CUBN: variants seen among roughly 807,000 people sequenced by gnomAD.
CUBN encodes the protein 460 kDa receptor.
A neutral mutation model predicts 405.3 loss-of-function variants in CUBN; 282 were observed. That is an observed-to-expected ratio of 0.70 (90% CI 0.63 to 0.77). The LOEUF is 0.77. CUBN is among the 30% of genes least tolerant of loss of function. The pLI is 0.00. For missense variants in CUBN, 4,514 were observed against 4,475.2 expected (o/e 1.01, Z -0.25); for synonymous variants, 1,684 against 1,617.0 (o/e 1.04, Z -0.99).
At position 17,078,286 on chromosome 10, in the gene CUBN, C is replaced by G. The variant is rs550752754; in HGVS notation, c.2301+5985G>C. ...TCCATCCCTGTGTGATTCCAGCCAC[C>G]CTGGTCTATTTCCAATTATTTTAGT... On this transcript the variant is annotated intron_variant, in intron 17 of 66. Transcript: ENST00000377833. 1.4e-4 allele frequency among the ~76,000 whole-genome samples: 22 copies of G among 152,246 alleles called. No individual in the cohort carries two copies. The East Asian group carries it at 3.7e-3, about 25-fold the overall frequency.
intron 59 of CUBN, among the ~76,000 whole-genome samples, chr10:16,867,289 G>C (rs961465600): frequency 6.6e-6 from 1 of 152,104 alleles, no homozygotes; most frequent in African/African-American, 2.4e-5. Context: ...AGGCAAAAGG[G>C]GCATCCTATT....
intron 15 of CUBN, among the ~76,000 whole-genome samples, chr10:17,087,780 G>A (rs535738131): frequency 6.6e-6 from 1 of 152,166 alleles, no homozygotes; most frequent in East Asian, 1.9e-4. Flanking sequence ...CGGCCTCTTC[G>A]TGGAATGCTA....
chr10:16,890,032 C>T (rs1352051610), intron 55 of CUBN, among the ~76,000 whole-genome samples: 1 of 151,686 alleles, frequency 6.6e-6, no homozygotes, highest in Non-Finnish European at 1.5e-5. Context: ...TGTTTCAAGC[C>T]CCCCACGGGA....
chr10:16,978,638 G>T (rs1833169664), intron 31 of CUBN, among the ~76,000 whole-genome samples: 2 of 152,220 alleles, frequency 1.3e-5, no homozygotes, highest in Admixed American at 6.5e-5. Context: ...AAGCTAGCCA[G>T]TTGGATCTTG....
chr10:16,860,258 C>T (rs1588595242), intron 59 of CUBN, among the ~76,000 whole-genome samples: 1 of 151,888 alleles, frequency 6.6e-6, no homozygotes, highest in African/African-American at 2.4e-5. Flanking sequence ...AAACAAAAGC[C>T]AAATATATTC....
Position 16,918,749 on chromosome 10 carries a change from T to A in CUBN, c.6873A>T (p.Pro2291=). ...ELRDGVDSDA[P]ILSKFCGTSL... is the part of the protein sequence containing the mutation. ...ATGTCCCACAAAATTTGGAAAGTAT[T>A]GGTGCATCCGAATCCACTCCATCCC... is the stretch of plus-strand genomic sequence containing the variant. The change falls in exon 45 of 67, where the codon CCA becomes CCT. Residue 2291 remains proline (P), a synonymous_variant. Transcript: ENST00000377833. 1.2e-6 allele frequency: 2 copies of A among 1,613,938 alleles called. No individual in the cohort carries two copies. The highest frequency in any genetic ancestry group is 1.7e-6 in the Non-Finnish European group (2 of 1,179,922).
Position 16,990,420 on chromosome 10 carries a change from T to C in CUBN, c.4264A>G (p.Arg1422Gly). 6.2e-7 allele frequency: 1 copy of C among 1,614,182 alleles called. No homozygotes were observed. Among genetic ancestry groups the C allele is most frequent in the Non-Finnish European group, 8.5e-7 (1 of 1,180,020 alleles). The change falls in exon 29 of 67, where the codon AGG becomes GGG. Residue 1422 changes from arginine to glycine, a missense_variant. By Grantham distance (125) the Arg-to-Gly change is moderately radical. This residue lies in a region of CUBN where 1,613 missense variants were observed against 1,542.8 expected (regional missense o/e 1.05). Transcript: ENST00000377833. ...PPNKECIWYI[R>G]TDPGSSIQLT... Reference sequence around the variant, plus strand: ...TGAATGCTACTCCCGGGGTCCGTCCTAATGTACCAGATACACTCCTTGTTT... The same window carrying C: ...TGAATGCTACTCCCGGGGTCCGTCCCAATGTACCAGATACACTCCTTGTTT...
intron 10 of CUBN, among the ~76,000 whole-genome samples, chr10:17,105,848 T>C (rs960815637): frequency 6.6e-6 from 1 of 152,272 alleles, no homozygotes; most frequent in African/African-American, 2.4e-5. Flanking sequence ...CAGATGGTCC[T>C]GAGCTGTGCA....
chr10:16,835,385 G>A (rs1274532020), intron 63 of CUBN, among the ~76,000 whole-genome samples, 190 bp from the exon 64 acceptor site: 1 of 152,174 alleles, frequency 6.6e-6, no homozygotes, highest in Non-Finnish European at 1.5e-5. Context: ...AGCACACACA[G>A]GTGCAATGCA....
chr10:17,007,406 C>T lies in CUBN; in HGVS notation c.4168+12427G>A, dbSNP rs181227687. 2.8e-3 allele frequency among the ~76,000 whole-genome samples: 428 copies of T among 152,272 alleles called. 3 individuals carry two copies. Among genetic ancestry groups the T allele is most frequent in the African/African-American group, 9.7e-3 (403 of 41,540 alleles). On this transcript the variant is annotated intron_variant, in intron 28 of 66. Transcript: ENST00000377833. ...TTCAGAAAGAGCCCACAGATAAAGC[C>T]TCGTTGTAGATCCGTTTTCTTAAAG...
Position 17,114,972 on chromosome 10 carries a change from G to C in CUBN, c.720+499C>G, listed in dbSNP as rs372820906. Among the ~76,000 whole-genome samples the C allele has an allele frequency of 3.9e-5, 6 of 152,190 alleles. No individual in the cohort carries two copies. In the East Asian group the frequency reaches 5.8e-4, roughly 15 times the overall value. On this transcript the variant is annotated intron_variant, in intron 7 of 66. Transcript: ENST00000377833. ...AAATGGTCCCATTTCGGCCGGGCAC[G>C]GTGGCTCATGCCTGTAATCGCAGCG...
chr10:17,051,065 A>G (rs1029540763), intron 22 of CUBN, among the ~76,000 whole-genome samples: 1 of 152,056 alleles, frequency 6.6e-6, no homozygotes, highest in Non-Finnish European at 1.5e-5. Context: ...ATTAAAAAAA[A>G]AGAGAGAAAA....
At chr10:16,868,730 G>T (rs1840258509) in intron 59 of CUBN, among the ~76,000 whole-genome samples, 2 of 151,980 alleles carry the variant, frequency 1.3e-5, no homozygotes. Context: ...GTAATCTGGG[G>T]CATATTTTCA....
At chr10:16,857,513 G>A (rs1240863792) in intron 59 of CUBN, among the ~76,000 whole-genome samples, 1 of 152,078 alleles carries the variant, frequency 6.6e-6, no homozygotes, top group Non-Finnish European at 1.5e-5. Context: ...TAGCCCCAGG[G>A]CATTTTATGA....
intron 28 of CUBN, among the ~76,000 whole-genome samples, chr10:17,000,009 G>A (rs1462912090): frequency 1.3e-5 from 2 of 152,182 alleles, no homozygotes; most frequent in Non-Finnish European, 2.9e-5. Flanking sequence ...GAGCCTCAAG[G>A]TTGTTTTCTC....
At chr10:16,825,497 A>T (rs1467577388) in intron 66 of CUBN, among the ~76,000 whole-genome samples, 1 of 152,232 alleles carries the variant, frequency 6.6e-6, no homozygotes, top group East Asian at 1.9e-4. Flanking sequence ...TCAAGTTCTT[A>T]CTGCAAATTT....
chr10:16,911,274 G>A (rs1160545505), intron 48 of CUBN, among the ~76,000 whole-genome samples: 1 of 152,170 alleles, frequency 6.6e-6, no homozygotes, highest in East Asian at 1.9e-4. Flanking sequence ...TGGCTCAGTT[G>A]TGAATGGTGT....
intron 56 of CUBN, among the ~76,000 whole-genome samples, chr10:16,880,348 G>C (rs1373069321): frequency 1.3e-5 from 2 of 152,316 alleles, no homozygotes; most frequent in Middle Eastern, 3.4e-3. Flanking sequence ...AGGCCAATCA[G>C]ATGTGTCCAA....
rs367825605 is a variant in CUBN at position 16,890,534 on chromosome 10, C to T, written c.8599-7G>A. On this transcript the variant is annotated splice_region_variant and splice_polypyrimidine_tract_variant and intron_variant, in intron 54 of 66. Coordinates refer to ENST00000377833, the MANE Select transcript of CUBN (RefSeq NM_001081.4). Reference sequence around the variant, plus strand: ...CCTCAGTTCCTGCCCACACCTAGCACGGACATACACAGAACTTTAATGCTC... The same window carrying T: ...CCTCAGTTCCTGCCCACACCTAGCATGGACATACACAGAACTTTAATGCTC... 2.4e-5 allele frequency: 39 copies of T among 1,613,968 alleles called. No individual in the cohort carries two copies. In the East Asian group the frequency reaches 5.6e-4, roughly 23 times the overall value.
Sources: gnomAD v4.1 joint callset for allele counts (sites outside exome capture counted in the v4.1 genomes callset) on GRCh38, gnomAD v4.1.1 for gene constraint, gnomAD v4.1.1 regional missense constraint, MANE v1.5 for transcripts, NCBI Gene and HGNC (gene_info 2026-07-23, HGNC 2026-07-21) for gene names.